The following ZNF160 variants were observed in gnomAD, a reference collection of about 807,000 sequenced individuals.
ZNF160 encodes zinc finger protein 160.
A neutral mutation model predicts 13.1 loss-of-function variants in ZNF160; 9 were observed. The ratio of observed to expected loss-of-function variants is 0.69; its 90% confidence interval spans 0.41 to 1.20. The LOEUF (loss-of-function observed/expected upper bound fraction) is 1.20. Ranked by LOEUF, ZNF160 falls within the 50% of genes most tolerant of loss-of-function variation. The pLI is 0.01. For missense variants in ZNF160, 838 were observed against 988.0 expected, an observed-to-expected ratio of 0.85 and a Z score of 2.04; for synonymous variants, 293 against 333.2, an observed-to-expected ratio of 0.88 and a Z score of 1.31.
intron 2 of ZNF160, among the ~76,000 whole-genome samples, chr19:53,090,238 C>T (rs1195828444): frequency 6.6e-6 from 1 of 152,072 alleles, no homozygotes; most frequent in African/African-American, 2.4e-5. Context: ...CACTCTCTGT[C>T]TGAGGAGCCT....
Position 53,068,153 on chromosome 19 carries a change from C to T in ZNF160, c.2381G>A (p.Cys794Tyr). The change falls in exon 6 of 6, where the codon TGT (cysteine) becomes TAT (tyrosine). Residue 794 changes from cysteine to tyrosine, a missense_variant. Cys to Tyr is a radical substitution (Grantham distance 194). Around this residue, in one of 3 missense-constraint regions of ZNF160, gnomAD observed 51 missense variants for 46.9 expected, o/e 1.09. Coordinates refer to ENST00000683776, the MANE Select transcript of ZNF160 (RefSeq NM_001322131.2). ...TGAACTCTGCCTGAAGACCTTGCCA[C>T]ACTCATTACATTTGTAACGCTTTTC... is the stretch of plus-strand genomic sequence containing the variant. ...TGEKRYKCNE[C>Y]GKVFRQSSNL... is the part of the protein sequence containing the mutation. 6.2e-7 allele frequency: 1 copy of T among 1,614,138 alleles called. No individual in the cohort carries two copies.
At chr19:53,075,546 T>C in intron 3 of ZNF160, 1 of 344,376 alleles carries the variant, frequency 2.9e-6, no homozygotes. Flanking sequence ...ACAGAGGGAA[T>C]GAAAGTTCAG....
At chr19:53,077,971 A>G (rs138791335) in intron 3 of ZNF160, among the ~76,000 whole-genome samples, 545 of 151,944 alleles carry the variant, frequency 3.6e-3, no homozygotes, top group African/African-American at 0.011. Flanking sequence ...GCCAGGCGTG[A>G]TGGCTCACGC....
At position 53,069,388 on chromosome 19, in the gene ZNF160, T is replaced by C; in HGVS notation, c.1146A>G (p.Ser382=). 1 of 1,614,060 alleles carries C rather than the reference T, an allele frequency of 6.2e-7. No homozygotes were observed. The change falls in exon 6 of 6, where the codon TCA becomes TCG. Residue 382 remains serine (S), a synonymous_variant. Coordinates refer to ENST00000683776, the MANE Select transcript of ZNF160 (RefSeq NM_001322131.2). The surrounding 1 kb of genome is among the most constrained non-coding windows in gnomAD (Gnocchi z 4.4). ...NECGKLFTQN[S]HLISHWRIHT... Reference sequence around the variant, plus strand: ...GAATTCTCCAATGACTTATAAGGTGTGAATTTTGAGTGAAGAGCTTGCCAC... The same window carrying C: ...GAATTCTCCAATGACTTATAAGGTGCGAATTTTGAGTGAAGAGCTTGCCAC...
At chr19:53,075,513 T>C (rs1025621729) in intron 3 of ZNF160, 4 of 355,846 alleles carry the variant, frequency 1.1e-5, no homozygotes, top group East Asian at 1.5e-4. Flanking sequence ...TCGGTTAGAC[T>C]AAGCCTCTGT....
chr19:53,102,518 C>A (rs2085483048), intron 1 of ZNF160, among the ~76,000 whole-genome samples: 1 of 152,230 alleles, frequency 6.6e-6, no homozygotes, highest in Non-Finnish European at 1.5e-5. Flanking sequence ...GGACATCGAG[C>A]TTTTCTCTAC....
chr19:53,086,142 C>T (rs903831128), intron 3 of ZNF160, 120 bp downstream of exon 3: 38 of 1,337,930 alleles, frequency 2.8e-5, no homozygotes, highest in Middle Eastern at 1.9e-4. Flanking sequence ...AGGGAAGGCG[C>T]GGGTGAGTGC....
chr19:53,100,542 G>T (rs1359549510), intron 1 of ZNF160, among the ~76,000 whole-genome samples: 1 of 151,986 alleles, frequency 6.6e-6, no homozygotes, highest in Non-Finnish European at 1.5e-5. Flanking sequence ...CCTGGGAGGC[G>T]GAGCTTGCAG....
intron 1 of ZNF160, among the ~76,000 whole-genome samples, chr19:53,098,732 G>C (rs1026217436): frequency 6.6e-6 from 1 of 151,460 alleles, no homozygotes; most frequent in East Asian, 1.9e-4. Context: ...CCCTGACTGC[G>C]AGCGCATCAC....
chr19:53,083,139 C>A (rs535479100), intron 3 of ZNF160, among the ~76,000 whole-genome samples: 1 of 152,290 alleles, frequency 6.6e-6, no homozygotes, highest in East Asian at 1.9e-4. Flanking sequence ...CTCTCTGAAC[C>A]ATGTGCTTTT....
intron 2 of ZNF160, 139 bp from the exon 3 acceptor site, chr19:53,086,460 C>T (rs556975969): frequency 2.0e-5 from 12 of 608,412 alleles, no homozygotes; most frequent in South Asian, 8.5e-5. Flanking sequence ...TGGTCCTCTG[C>T]GCCCCACTGC....
rs1241300451 is a variant in ZNF160 at position 53,070,158 on chromosome 19, T to C, written c.376A>G (p.Ile126Val). Residue 126 changes from isoleucine (I) to valine (V), a missense_variant, in exon 6 of 6, where the codon ATT becomes GTT. Ile to Val is a conservative substitution (Grantham distance 29). Transcript: ENST00000683776. Reference sequence around the variant, plus strand: ...GGTTCCTTGAAGGAAAAGTCTTCAATGTCAGGGCTTTCGTGTCTTTCCAAC... The same window carrying C: ...GGTTCCTTGAAGGAAAAGTCTTCAACGTCAGGGCTTTCGTGTCTTTCCAAC... ...VVLERHESPD[I>V]EDFSFKEPQK... The C allele has an allele frequency of 6.2e-7, 1 of 1,614,044 alleles. No individual in the cohort carries two copies. The highest frequency in any genetic ancestry group is 8.5e-7 in the Non-Finnish European group (1 of 1,180,050).
In ZNF160 at chr19:53,068,869, A is replaced by C; in HGVS notation, c.1665T>G (p.His555Gln). 6.2e-7 allele frequency: 1 copy of C among 1,614,120 alleles called. No homozygotes were observed. Among genetic ancestry groups the C allele is most frequent in the Non-Finnish European group, 8.5e-7 (1 of 1,180,018 alleles). Residue 555 changes from histidine (H) to glutamine (Q), a missense_variant, in exon 6 of 6, where the codon CAT (histidine) becomes CAG (glutamine). By Grantham distance (24) the His-to-Gln change is conservative. This residue lies in a region of ZNF160 where 400 missense variants were observed against 538.9 expected (regional missense o/e 0.74). Coordinates refer to ENST00000683776, the MANE Select transcript of ZNF160 (RefSeq NM_001322131.2). ...SFTQKSHLRS[H>Q]RGIHSGEKPY... is the part of the protein sequence containing the mutation. ...GTTTCTCTCCAGAATGAATTCCCCGATGACTTCTAAGGTGTGATTTTTGAG... is the reference window on the plus strand; with the variant it reads ...GTTTCTCTCCAGAATGAATTCCCCGCTGACTTCTAAGGTGTGATTTTTGAG...
rs1284311120 is a variant in ZNF160, at chr19:53,070,173, G to A, written c.361C>T (p.His121Tyr). Residue 121 changes from histidine to tyrosine, a missense_variant, in exon 6 of 6, where the codon CAC (histidine) becomes TAC (tyrosine). Coordinates refer to ENST00000683776, the MANE Select transcript of ZNF160 (RefSeq NM_001322131.2). Reference protein sequence around the residue: ...AVFHTVVLERHESPDIEDFSF... With the variant: ...AVFHTVVLERYESPDIEDFSF... The stretch of plus-strand genomic sequence containing the variant: ...AAGTCTTCAATGTCAGGGCTTTCGT[G>A]TCTTTCCAACACCACTGTGTGGAAT... The A allele has an allele frequency of 6.2e-7, 1 of 1,613,990 alleles. No homozygotes were observed. Among genetic ancestry groups the A allele is most frequent in the Non-Finnish European group, 8.5e-7 (1 of 1,180,032 alleles).
At chr19:53,070,715 A>G (rs891843861) in intron 5 of ZNF160, among the ~76,000 whole-genome samples, 25 of 152,228 alleles carry the variant, frequency 1.6e-4, no homozygotes, top group Middle Eastern at 3.4e-3. Context: ...TGCCCAGCCA[A>G]AAGTAGTATT....
rs546018518 is a variant in ZNF160 at position 53,073,807 on chromosome 19, C to T, written c.271+333G>A. 4.4e-4 allele frequency among the ~76,000 whole-genome samples: 66 copies of T among 150,908 alleles called. 1 individual carries two copies. The South Asian group carries it at 0.013, about 30-fold the overall frequency. ...CTTTATTTATTTATTTATTTTGAGA[C>T]GGAGTTTTGTTCTGTCCACCCAGGC... On this transcript the variant is annotated intron_variant, in intron 5 of 5. Coordinates refer to ENST00000683776, the MANE Select transcript of ZNF160 (RefSeq NM_001322131.2).
In ZNF160 at chr19:53,067,964, A is replaced by T; in HGVS notation, c.*113T>A. The T allele has an allele frequency of 7.1e-7, 1 of 1,418,202 alleles. No homozygotes were observed. The highest frequency in any genetic ancestry group is 9.5e-7 in the Non-Finnish European group (1 of 1,050,286). 87.9% of individuals were successfully genotyped at this position (1,418,202 alleles called of 1,614,324 possible). On this transcript the variant is annotated 3_prime_UTR_variant, in exon 6 of 6. Transcript: ENST00000683776. ...TTGCTTATGGCCTCTCATATCTATTAATGCTTCAACTCATGAGGGATTGGC... is the reference window on the plus strand; with the variant it reads ...TTGCTTATGGCCTCTCATATCTATTTATGCTTCAACTCATGAGGGATTGGC...
At chr19:53,079,034 T>G (rs984912308) in intron 3 of ZNF160, among the ~76,000 whole-genome samples, 1 of 152,178 alleles carries the variant, frequency 6.6e-6, no homozygotes, top group East Asian at 1.9e-4. Flanking sequence ...TAAACACTGA[T>G]GCAAAAGCCC....
chr19:53,073,108 G>C, intron 5 of ZNF160: 1 of 1,127,816 alleles, frequency 8.9e-7, no homozygotes, highest in Non-Finnish European at 1.2e-6. Context: ...TTTTCACCCA[G>C]TGACCAACAT....
Sources: allele counts gnomAD v4.1 joint callset (sites outside exome capture counted in the v4.1 genomes callset), GRCh38; gene constraint gnomAD v4.1.1; regional missense constraint gnomAD v4.1.1; non-coding constraint Gnocchi (gnomAD v3.1); transcripts MANE v1.5; gene names NCBI Gene and HGNC (gene_info 2026-07-23, HGNC 2026-07-21).